GPC3: variants seen among roughly 807,000 people sequenced by gnomAD.
The protein encoded by GPC3 is glypican 3.
Under a neutral mutation model 34.4 loss-of-function variants are expected in GPC3, and 3 were observed. That is an observed-to-expected ratio of 0.09 (90% CI 0.04 to 0.23). The LOEUF is 0.23. GPC3 is among the 10% of genes least tolerant of loss of function. The pLI is 1.00. For synonymous variants in GPC3, 177 were observed against 174.0 expected (o/e 1.02, Z -0.13); for missense variants, 351 against 445.6 (o/e 0.79, Z 1.91).
At chrX:133,796,014 T>G (rs7892531) in intron 2 of GPC3, among the ~76,000 whole-genome samples, 1 of 104,738 alleles carries the variant, frequency 9.5e-6, no homozygotes, top group African/African-American at 3.5e-5. Context: ...GGCGCAATCT[T>G]GGCTCACTGC....
In GPC3 at chrX:133,841,215, A is replaced by ATTTTTTTTTTTTTTTTTTTTT. The variant is rs769696321; in HGVS notation, c.338-87060_338-87040dup. On this transcript the variant is annotated intron_variant, in intron 2 of 7. Transcript: ENST00000370818. ...ACCACCATGCCTGGCTAATCTTTTA[A>ATTTTTTTTTTTTTTTTTTTTT]TTTTTTTTTTTTTTTTTTTTTTTGG... Among the ~76,000 whole-genome samples the ATTTTTTTTTTTTTTTTTTTTT allele has an allele frequency of 4.1e-3, 161 of 39,246 alleles. 51 individuals carry two copies. The highest frequency in any genetic ancestry group is 7.0e-3 in the Admixed American group (13 of 1,854). The allele number at this position is 39,246 out of a possible 115,157, so 34.1% of individuals were successfully genotyped here. A position where few individuals can be genotyped will look rare whatever the true frequency, so the allele number is the denominator to read the frequency against.
At chrX:133,649,665 C>T (rs1305136855) in intron 6 of GPC3, among the ~76,000 whole-genome samples, 2 of 111,880 alleles carry the variant, frequency 1.8e-5, no homozygotes, top group Non-Finnish European at 3.8e-5. Context: ...GATCTTTCAG[C>T]TCTGACTGCC....
intron 2 of GPC3, among the ~76,000 whole-genome samples, chrX:133,878,421 C>G (rs1172886848): frequency 9.1e-6 from 1 of 110,052 alleles, no homozygotes; most frequent in Non-Finnish European, 1.9e-5. Flanking sequence ...GAGTGAGACT[C>G]TGTCTCAAAA....
At chrX:133,593,376 T>G (rs865910545) in intron 7 of GPC3, among the ~76,000 whole-genome samples, 1 of 48,813 alleles carries the variant, frequency 2.0e-5, no homozygotes, top group Non-Finnish European at 4.1e-5. Context: ...AAAAAAGAAA[T>G]AAACATAGGC....
At chrX:133,757,108 T>C (rs1202054732) in intron 2 of GPC3, among the ~76,000 whole-genome samples, 6 of 112,403 alleles carry the variant, frequency 5.3e-5, no homozygotes, top group Non-Finnish European at 1.1e-4. Context: ...CAGGAAAAAT[T>C]TGAACAAACA....
intron 2 of GPC3, among the ~76,000 whole-genome samples, chrX:133,878,672 G>C (rs1174270706): frequency 9.0e-6 from 1 of 111,683 alleles, no homozygotes; most frequent in Non-Finnish European, 1.9e-5. Context: ...GTCAGAGCCT[G>C]CTGCAAACTT....
intron 2 of GPC3, among the ~76,000 whole-genome samples, chrX:133,920,545 T>C (rs2076244016): frequency 8.9e-6 from 1 of 111,825 alleles, no homozygotes; most frequent in Non-Finnish European, 1.9e-5. Context: ...ACATTATACA[T>C]ATTAACAATC....
chrX:133,909,807 C>A (rs776706311), intron 2 of GPC3, among the ~76,000 whole-genome samples: 1 of 111,163 alleles, frequency 9.0e-6, no homozygotes, highest in South Asian at 3.9e-4. Context: ...AATGACAGAA[C>A]TGACAGACAT....
At chrX:133,956,459 T>G (rs2076416740) in intron 1 of GPC3, among the ~76,000 whole-genome samples, 1 of 111,829 alleles carries the variant, frequency 8.9e-6, no homozygotes, top group Non-Finnish European at 1.9e-5. Flanking sequence ...GTAGCTAATC[T>G]AAATTTAAAC....
chrX:133,888,811 G>A (rs1272761779), intron 2 of GPC3, among the ~76,000 whole-genome samples: 5 of 112,045 alleles, frequency 4.5e-5, no homozygotes, highest in Non-Finnish European at 9.4e-5. Flanking sequence ...TGTTCATGTT[G>A]GGCCAAGCTG....
At position 133,687,385 on chromosome X, in the gene GPC3, T is replaced by G. The variant is rs1373782464; in HGVS notation, c.1292+4984A>C. ...TGGAATGAGCCTGAATTATCAGAGT[T>G]TTTTTTTTTTTTTTTTTTTTTTTTG... On this transcript the variant is annotated intron_variant, in intron 5 of 7. Coordinates refer to ENST00000370818, the MANE Select transcript of GPC3 (RefSeq NM_004484.4). Among the ~76,000 whole-genome samples, 31 of 66,454 alleles carry G rather than the reference T, an allele frequency of 4.7e-4. 1 individual carries two copies. Among genetic ancestry groups the G allele is most frequent in the African/African-American group, 2.0e-3 (29 of 14,751 alleles). 57.7% of individuals were successfully genotyped at this position (66,454 alleles called of 115,157 possible). A position where few individuals can be genotyped will look rare whatever the true frequency, so the allele number is the denominator to read the frequency against.
At chrX:133,802,670 T>C (rs1029278398) in intron 2 of GPC3, among the ~76,000 whole-genome samples, 11 of 111,903 alleles carry the variant, frequency 9.8e-5, no homozygotes, top group African/African-American at 1.9e-4. Context: ...TTCTGAGAAC[T>C]TCCCCCTAAA....
chrX:133,634,905 T>C (rs2070403482), intron 6 of GPC3, among the ~76,000 whole-genome samples: 1 of 111,944 alleles, frequency 8.9e-6, no homozygotes, highest in Non-Finnish European at 1.9e-5. Flanking sequence ...GTGTGCCAAG[T>C]GAGGAACTCA....
intron 3 of GPC3, among the ~76,000 whole-genome samples, chrX:133,734,476 G>T (rs992987129): frequency 1.2e-4 from 13 of 109,780 alleles, no homozygotes; most frequent in Non-Finnish European, 2.3e-4. Context: ...CTAAAATCAG[G>T]AAAAAGACAG....
intron 2 of GPC3, among the ~76,000 whole-genome samples, chrX:133,900,939 A>G (rs757774735): frequency 8.9e-6 from 1 of 112,031 alleles, no homozygotes; most frequent in Non-Finnish European, 1.9e-5. Flanking sequence ...TATGTTTTAT[A>G]TTGTCCATCT....
rs3747441 is a variant in GPC3, at chrX:133,952,802, C to T, written c.337+248G>A. Among the ~76,000 whole-genome samples the T allele has an allele frequency of 0.037, 4,111 of 112,346 alleles. 66 individuals carry two copies. The highest frequency in any genetic ancestry group is 0.1 in the East Asian group (367 of 3,570). Reference sequence around the variant, plus strand: ...TTATTCTTTCTGTAGAGATTTATAACCTTTATATACAGGTAAATAGAATGT... The same window carrying T: ...TTATTCTTTCTGTAGAGATTTATAATCTTTATATACAGGTAAATAGAATGT... On this transcript the variant is annotated intron_variant, in intron 2 of 7. Transcript: ENST00000370818.
Position 133,985,406 on chromosome X carries a change from A to G in GPC3, c.44T>C (p.Leu15Pro). 1 of 1,186,114 alleles carries G rather than the reference A, an allele frequency of 8.4e-7. No individual in the cohort carries two copies. The highest frequency in any genetic ancestry group is 3.1e-5 in the East Asian group (1 of 32,442). ...CTGTCCCGGGAAGTCCAAGCTGAGC[A>G]GCATCGCCACCACCAAGCACGCGGT... is the stretch of plus-strand genomic sequence containing the variant. ...VRTACLVVAMLLSLDFPGQAQ... is the reference protein window; with the variant it reads ...VRTACLVVAMPLSLDFPGQAQ... Residue 15 changes from leucine to proline, a missense_variant, in exon 1 of 8, where the codon CTG becomes CCG. Leu to Pro is a moderately conservative substitution (Grantham distance 98). Coordinates refer to ENST00000370818, the MANE Select transcript of GPC3 (RefSeq NM_004484.4).
chrX:133,863,857 T>G (rs1179823965), intron 2 of GPC3, among the ~76,000 whole-genome samples: 3 of 104,067 alleles, frequency 2.9e-5, no homozygotes, highest in Non-Finnish European at 5.9e-5. Context: ...GGGTTTCACC[T>G]TGTTAGCCAG....
At chrX:133,712,725 CA>C (rs780184204) in intron 3 of GPC3, among the ~76,000 whole-genome samples, 3 of 103,106 alleles carry the variant, frequency 2.9e-5, no homozygotes, top group African/African-American at 3.6e-5. Flanking sequence ...ACTAAAAATA[CA>C]AAAAAAAAAT....
Sources: gnomAD v4.1 joint callset for allele counts (sites outside exome capture counted in the v4.1 genomes callset) on GRCh38, gnomAD v4.1.1 for gene constraint, MANE v1.5 for transcripts, NCBI Gene and HGNC (gene_info 2026-07-23, HGNC 2026-07-21) for gene names.